ARHGAP25: variants seen among roughly 807,000 people sequenced by gnomAD.
ARHGAP25 encodes the protein Rho GTPase activating protein 25.
A neutral mutation model predicts 71.0 loss-of-function variants in ARHGAP25; 34 were observed. That is an observed-to-expected ratio of 0.48 (90% confidence interval 0.36 to 0.64). The LOEUF (loss-of-function observed/expected upper bound fraction) is 0.64, where lower values mean the gene tolerates loss of function less well. ARHGAP25 is among the 30% of genes least tolerant of loss of function. The probability of loss-of-function intolerance (pLI) is 0.00; values close to 1 mark genes in which losing one functional copy is unlikely to be tolerated. For synonymous variants in ARHGAP25, 282 were observed against 296.5 expected, an observed-to-expected ratio of 0.95 and a Z score of 0.50; for missense variants, 706 against 805.1, an observed-to-expected ratio of 0.88 and a Z score of 1.49.
At chr2:68,796,750 G>A (rs1432786155) in intron 4 of ARHGAP25, among the ~76,000 whole-genome samples, 2 of 152,274 alleles carry the variant, frequency 1.3e-5, no homozygotes, top group African/African-American at 2.4e-5. Context: ...CACCTGTACT[G>A]GCAGTTCCAG....
At chr2:68,806,268 T>A (rs1469594287) in intron 4 of ARHGAP25, among the ~76,000 whole-genome samples, 1 of 152,266 alleles carries the variant, frequency 6.6e-6, no homozygotes, top group Non-Finnish European at 1.5e-5. Flanking sequence ...TTATGCATTG[T>A]ACTGCATACA....
At chr2:68,786,389 C>T (rs564126054) in intron 3 of ARHGAP25, among the ~76,000 whole-genome samples, 1 of 152,196 alleles carries the variant, frequency 6.6e-6, no homozygotes, top group Non-Finnish European at 1.5e-5. Flanking sequence ...AGGACACCGA[C>T]AGACTTGCCC....
chr2:68,804,073 A>G (rs1680192132), intron 4 of ARHGAP25, among the ~76,000 whole-genome samples: 1 of 152,178 alleles, frequency 6.6e-6, no homozygotes, highest in Admixed American at 6.5e-5. Context: ...AAAGGGCTGC[A>G]TTTGAGGCAT....
intron 1 of ARHGAP25, among the ~76,000 whole-genome samples, chr2:68,774,244 T>C (rs185830491): frequency 4.1e-4 from 63 of 151,942 alleles, no homozygotes; most frequent in Middle Eastern, 3.4e-3. Flanking sequence ...GGAAATAAGA[T>C]GGGGCTCAGA....
intron 1 of ARHGAP25, among the ~76,000 whole-genome samples, chr2:68,750,800 G>A (rs1041588818): frequency 2.6e-5 from 4 of 152,182 alleles, no homozygotes; most frequent in African/African-American, 7.2e-5. Context: ...GGTGGAGGCC[G>A]GGCCGGCCCC....
rs1675134224 is a variant in ARHGAP25, at chr2:68,735,092, G to A, written c.-108G>A. On this transcript the variant is annotated 5_prime_UTR_variant, in exon 1 of 11. Coordinates refer to ENST00000409202, the MANE Select transcript of ARHGAP25 (RefSeq NM_001007231.3). ...ATTGCTTGTGAAGCAATCATAAGGA[G>A]GAACAAAAACAGACACAAAAACAGA... 4.1e-6 allele frequency: 4 copies of A among 971,408 alleles called. No individual in the cohort carries two copies. The highest frequency in any genetic ancestry group is 6.7e-6 in the Non-Finnish European group (4 of 598,468). 60.2% of individuals were successfully genotyped at this position (971,408 alleles called of 1,614,324 possible).
At chr2:68,815,927 A>G (rs1351427434) in intron 6 of ARHGAP25, among the ~76,000 whole-genome samples, 1 of 151,920 alleles carries the variant, frequency 6.6e-6, no homozygotes, top group Admixed American at 6.5e-5. Context: ...GAGATATCTT[A>G]TTGTGGTCTT....
At chr2:68,805,633 A>G (rs1423886355) in intron 4 of ARHGAP25, among the ~76,000 whole-genome samples, 1 of 152,036 alleles carries the variant, frequency 6.6e-6, no homozygotes, top group Non-Finnish European at 1.5e-5. Context: ...CATGATAGAG[A>G]GAAGAGACTG....
intron 3 of ARHGAP25, 39 bp from the exon 4 acceptor site, chr2:68,787,801 T>C (rs369721978): frequency 3.4e-5 from 53 of 1,543,364 alleles, no homozygotes; most frequent in African/African-American, 8.1e-5. Context: ...CATGTTCTTA[T>C]CACTCTAAGA....
intron 4 of ARHGAP25, among the ~76,000 whole-genome samples, chr2:68,795,658 T>G (rs1298185684): frequency 6.6e-6 from 1 of 152,176 alleles, no homozygotes; most frequent in East Asian, 1.9e-4. Context: ...TTTAAAAATT[T>G]TTTGGGACTT....
intron 1 of ARHGAP25, among the ~76,000 whole-genome samples, chr2:68,761,360 C>G (rs1026896972): frequency 6.6e-6 from 1 of 151,906 alleles, no homozygotes; most frequent in Non-Finnish European, 1.5e-5. Context: ...ATCAAAGGCA[C>G]AGGTAACAGA....
chr2:68,822,938 C>A, intron 10 of ARHGAP25, 66 bp downstream of exon 10: 1 of 1,463,946 alleles, frequency 6.8e-7, no homozygotes, highest in Non-Finnish European at 9.1e-7. Flanking sequence ...AGGGATTGTT[C>A]CCATCCGCCA....
intron 2 of ARHGAP25, among the ~76,000 whole-genome samples, chr2:68,719,043 A>G (rs1674688502): frequency 6.6e-6 from 1 of 152,164 alleles, no homozygotes; most frequent in African/African-American, 2.4e-5. Context: ...AAACACATCC[A>G]TGTACCAGAA....
intron 2 of ARHGAP25, among the ~76,000 whole-genome samples, chr2:68,725,456 C>T (rs1055508940): frequency 4.6e-5 from 7 of 152,200 alleles, no homozygotes; most frequent in South Asian, 2.1e-4. Flanking sequence ...TCCTGAGTAG[C>T]GGCGATTACA....
intron 2 of ARHGAP25, among the ~76,000 whole-genome samples, chr2:68,720,437 G>A (rs1170146365): frequency 1.3e-5 from 2 of 151,530 alleles, no homozygotes; most frequent in Admixed American, 1.3e-4. Flanking sequence ...TAGCCATTAT[G>A]TAGCCATAAT....
rs59964574 is a variant in ARHGAP25, at chr2:68,821,906, G to GTTT, written c.1201-414_1201-412dup. 5.8e-4 allele frequency among the ~76,000 whole-genome samples: 47 copies of GTTT among 81,618 alleles called. 1 individual carries two copies. The highest frequency in any genetic ancestry group is 1.6e-3 in the African/African-American group (31 of 19,392). 53.5% of individuals were successfully genotyped at this position (81,618 alleles called of 152,430 possible). A position where few individuals can be genotyped will look rare whatever the true frequency, so the allele number is the denominator to read the frequency against. On this transcript the variant is annotated intron_variant, in intron 9 of 10. Coordinates refer to ENST00000409202, the MANE Select transcript of ARHGAP25 (RefSeq NM_001007231.3). ...TATGCATTGCAAATACTTTTTGCTAGTTTTTTTTTTTTTTTTTTTTTTGGT... is the reference window on the plus strand; with the variant it reads ...TATGCATTGCAAATACTTTTTGCTAGTTTTTTTTTTTTTTTTTTTTTTTTTGGT...
upstream of ARHGAP25, among the ~76,000 whole-genome samples, chr2:68,734,297 C>A (rs1047295593): frequency 6.6e-6 from 1 of 152,146 alleles, no homozygotes; most frequent in African/African-American, 2.4e-5. Context: ...ACAGCCCACA[C>A]ACCCTGATTC....
intron 10 of ARHGAP25, among the ~76,000 whole-genome samples, chr2:68,824,513 T>C (rs1386776769): frequency 1.3e-5 from 2 of 152,004 alleles, no homozygotes; most frequent in East Asian, 3.9e-4. Context: ...GAGGCCAAGG[T>C]GGGTGAATCA....
intron 2 of ARHGAP25, among the ~76,000 whole-genome samples, chr2:68,781,481 A>T (rs1027316065): frequency 6.6e-6 from 1 of 152,186 alleles, no homozygotes; most frequent in Non-Finnish European, 1.5e-5. Flanking sequence ...TGTTTTTCTG[A>T]TAATATATCT....
Sources: gnomAD v4.1 joint callset for allele counts (sites outside exome capture counted in the v4.1 genomes callset) on GRCh38, gnomAD v4.1.1 for gene constraint, MANE v1.5 for transcripts, NCBI Gene and HGNC (gene_info 2026-07-23, HGNC 2026-07-21) for gene names.